The following KDM2B variants were observed in gnomAD, a reference collection of about 807,000 sequenced individuals.
The protein encoded by KDM2B is lysine-specific demethylase 2B.
KDM2B carries 26 observed loss-of-function variants against 150.0 expected under a neutral mutation model. That is an observed-to-expected ratio of 0.17 (90% CI 0.13 to 0.24). The LOEUF (loss-of-function observed/expected upper bound fraction) is 0.24, where lower values mean the gene tolerates loss of function less well. Ranked by LOEUF, KDM2B falls within the 10% of genes least tolerant of loss-of-function variation. The probability of loss-of-function intolerance (pLI) is 1.00; values close to 1 mark genes in which losing one functional copy is unlikely to be tolerated. For missense variants in KDM2B, 1,265 were observed against 1,816.9 expected (o/e 0.70, Z 5.52); for synonymous variants, 734 against 729.5 (o/e 1.01, Z -0.10).
At chr12:121,489,051 G>A (rs1230579849) in intron 12 of KDM2B, among the ~76,000 whole-genome samples, 3 of 151,674 alleles carry the variant, frequency 2.0e-5, no homozygotes, top group Non-Finnish European at 2.9e-5. Flanking sequence ...CAGGTGATCC[G>A]CCCACCTCAG....
intron 4 of KDM2B, among the ~76,000 whole-genome samples, chr12:121,573,142 A>G (rs1445227673): frequency 2.6e-5 from 3 of 115,140 alleles, no homozygotes; most frequent in South Asian, 5.2e-4. Context: ...TTTTTTTTTT[A>G]GAGATGGGGT....
intron 4 of KDM2B, among the ~76,000 whole-genome samples, chr12:121,560,039 C>CT (rs782245896): frequency 7.9e-5 from 12 of 152,126 alleles, no homozygotes; most frequent in Non-Finnish European, 1.8e-4. Context: ...ACGTCTCGCT[C>CT]TATCACCCAG....
the KDM2B span, chr12:121,416,330 A>G: frequency 2.5e-6 from 4 of 1,614,030 alleles, no homozygotes; most frequent in African/African-American, 5.3e-5. Context: ...AGGGCCCAAC[A>G]TAGTTTGTAA....
chr12:121,531,584 C>T (rs1458945791), intron 8 of KDM2B, among the ~76,000 whole-genome samples: 2 of 152,212 alleles, frequency 1.3e-5, no homozygotes, highest in Admixed American at 6.5e-5. Flanking sequence ...CACTACCTAA[C>T]AGAGCAAGTT....
In KDM2B at chr12:121,539,663, G is replaced by GT. The variant is rs201408402; in HGVS notation, c.684-5074dup. Among the ~76,000 whole-genome samples the GT allele has an allele frequency of 4.9e-3, 716 of 146,846 alleles. 29 individuals carry two copies. The East Asian group carries it at 0.099, about 20-fold the overall frequency. Reference sequence around the variant, plus strand: ...CCAGAAGCACTTGGTTTGGCCAGCAGTTTTTTTTTTTAACTTTTAAAGGAA... The same window carrying GT: ...CCAGAAGCACTTGGTTTGGCCAGCAGTTTTTTTTTTTTAACTTTTAAAGGAA... On this transcript the variant is annotated intron_variant, in intron 6 of 22. Transcript: ENST00000377071.
intron 12 of KDM2B, among the ~76,000 whole-genome samples, chr12:121,464,635 C>A (rs1261631213): frequency 2.6e-5 from 4 of 152,220 alleles, no homozygotes; most frequent in African/African-American, 4.8e-5. Flanking sequence ...CAGAGATGGA[C>A]GGGGCAGCAG....
At position 121,544,168 on chromosome 12, in the gene KDM2B, C is replaced by T. The variant is rs1225026114; in HGVS notation, c.683+4709G>A. ...GTACACACCTATAGTCCTAGCTACTCAGGAGGCTGATGTAGGAGGATCACT... is the reference window on the plus strand; with the variant it reads ...GTACACACCTATAGTCCTAGCTACTTAGGAGGCTGATGTAGGAGGATCACT... On this transcript the variant is annotated intron_variant, in intron 6 of 22. Transcript: ENST00000377071. Among the ~76,000 whole-genome samples, 3 of 148,334 alleles carry T rather than the reference C, an allele frequency of 2.0e-5. No homozygotes were observed. The South Asian group carries it at 6.5e-4, about 32-fold the overall frequency.
intron 12 of KDM2B, among the ~76,000 whole-genome samples, chr12:121,484,380 G>A (rs537219714): frequency 5.3e-5 from 8 of 152,248 alleles, no homozygotes; most frequent in African/African-American, 1.9e-4. Flanking sequence ...AAAGACAGAG[G>A]TGGACTGGTC....
At chr12:121,554,033 C>CCACACACACACACACA (rs56659514) in intron 4 of KDM2B, among the ~76,000 whole-genome samples, 42 of 122,140 alleles carry the variant, frequency 3.4e-4, no homozygotes, top group Admixed American at 4.5e-4. Context: ...CACCCCAGCT[C>CCACACACACACACACA]CACACACACA....
In KDM2B at chr12:121,580,822, T is replaced by C; in HGVS notation, c.90A>G (p.Ile30Met). 6.2e-7 allele frequency: 1 copy of C among 1,614,122 alleles called. No homozygotes were observed. Among genetic ancestry groups the C allele is most frequent in the Non-Finnish European group, 8.5e-7 (1 of 1,179,992 alleles). Residue 30 changes from isoleucine (I) to methionine (M), a missense_variant, in exon 1 of 23, where the codon ATA becomes ATG. By Grantham distance (10) the Ile-to-Met change is conservative. This residue lies in a region of KDM2B where 53 missense variants were observed against 56.0 expected (regional missense o/e 0.95). Transcript: ENST00000377071. The part of the protein sequence containing the change: ...AAEKQKKKTV[I>M]YTKCFEFESA... ...ACTCAAATTCAAAGCATTTTGTATA[T>C]ATAACTGTTTTCTTTTTTTGCTTTT...
At chr12:121,540,538 C>T (rs1375703351) in intron 6 of KDM2B, among the ~76,000 whole-genome samples, 1 of 151,228 alleles carries the variant, frequency 6.6e-6, no homozygotes, top group African/African-American at 2.4e-5. Context: ...CACCTGAGGT[C>T]AGGAGTTCAA....
intron 21 of KDM2B, 174 bp from the exon 22 acceptor site, chr12:121,440,249 CA>C: frequency 1.7e-6 from 1 of 605,096 alleles, no homozygotes; most frequent in Non-Finnish European, 2.9e-6. Context: ...GACTCCACAT[CA>C]AAACTTAGAT....
chr12:121,458,505 A>G (rs1878617216), intron 12 of KDM2B, among the ~76,000 whole-genome samples: 1 of 150,190 alleles, frequency 6.7e-6, no homozygotes, highest in Admixed American at 6.6e-5. Flanking sequence ...AATCTTAAAA[A>G]AATAGGGGGA....
chr12:121,480,834 G>A (rs1052390669), intron 12 of KDM2B, among the ~76,000 whole-genome samples: 5 of 151,538 alleles, frequency 3.3e-5, no homozygotes, highest in African/African-American at 9.7e-5. Flanking sequence ...CCCGGCCATC[G>A]CCTGTCATCT....
At chr12:121,579,025 A>C in intron 1 of KDM2B, 79 bp from the exon 2 acceptor site, 2 of 1,477,192 alleles carry the variant, frequency 1.4e-6, no homozygotes, top group Non-Finnish European at 1.8e-6. Flanking sequence ...CCCAGCACTA[A>C]CAGGTGCAGC....
rs782421557 is a variant in KDM2B at position 121,442,809 on chromosome 12, G to T, written c.2632C>A (p.Arg878Ser). The T allele has an allele frequency of 5.9e-6, 9 of 1,526,676 alleles. No individual in the cohort carries two copies. The East Asian group carries it at 2.0e-4, about 35-fold the overall frequency. 94.6% of individuals were successfully genotyped at this position (1,526,676 alleles called of 1,614,324 possible). ...KRRSWKNAEDRMALANKPLRR... is the reference protein window; with the variant it reads ...KRRSWKNAEDSMALANKPLRR... ...AGGGGCTTGTTGGCCAGCGCCATGC[G>T]GTCCTCGGCGTTCTTCCAGGACCGC... The change falls in exon 19 of 23, where the codon CGC becomes AGC. Residue 878 changes from arginine (R) to serine (S), a missense_variant. By Grantham distance (110) the Arg-to-Ser change is moderately radical (BLOSUM62 -1). Transcript: ENST00000377071. The surrounding 1 kb of genome is among the most constrained non-coding windows in gnomAD (Gnocchi z 7.7).
At chr12:121,439,769 G>C in intron 22 of KDM2B, 88 bp downstream of exon 22, 1 of 962,560 alleles carries the variant, frequency 1.0e-6, no homozygotes, top group Non-Finnish European at 1.6e-6. Context: ...CCACATAGCT[G>C]TAGACACACG....
intron 9 of KDM2B, chr12:121,516,915 G>A: frequency 3.0e-6 from 2 of 660,022 alleles, no homozygotes; most frequent in South Asian, 3.4e-5. Context: ...TCCAATGGTA[G>A]GGGGAAGGGG....
In KDM2B at chr12:121,533,966, G is replaced by T. The variant is rs1555308251; in HGVS notation, c.777+531C>A. ...GAGGTGGGAAGATCGCTTGAGCCCA[G>T]GAGGTGGAGGCTACAGCGAGCTGTG... On this transcript the variant is annotated intron_variant, in intron 7 of 22. Transcript: ENST00000377071. The surrounding 1 kb of genome is among the most constrained non-coding windows in gnomAD (Gnocchi z 4.1). Among the ~76,000 whole-genome samples, 2 of 152,186 alleles carry T rather than the reference G, an allele frequency of 1.3e-5. No homozygotes were observed. The highest frequency in any genetic ancestry group is 4.8e-5 in the African/African-American group (2 of 41,446).
Sources: gnomAD v4.1 joint callset for allele counts (sites outside exome capture counted in the v4.1 genomes callset) on GRCh38, gnomAD v4.1.1 for gene constraint, gnomAD v4.1.1 regional missense constraint, Gnocchi (gnomAD v3.1) non-coding constraint, MANE v1.5 for transcripts, NCBI Gene and HGNC (gene_info 2026-07-23, HGNC 2026-07-21) for gene names.